PARVA: variants seen among roughly 807,000 people sequenced by gnomAD.
PARVA encodes the protein alpha-parvin.
Under a neutral mutation model 52.6 loss-of-function variants are expected in PARVA, and 25 were observed. The observed-to-expected ratio is 0.48, with a 90% CI of 0.35 to 0.66. The LOEUF is 0.66. Ranked by LOEUF, PARVA falls within the 30% of genes least tolerant of loss-of-function variation. The pLI is 0.01. For missense variants in PARVA, 373 were observed against 450.9 expected, an observed-to-expected ratio of 0.83 and a Z score of 1.56; for synonymous variants, 185 against 179.1, an observed-to-expected ratio of 1.03 and a Z score of -0.26.
intron 12 of PARVA, among the ~76,000 whole-genome samples, chr11:12,522,004 T>G (rs1380604966): frequency 6.6e-6 from 1 of 152,208 alleles, no homozygotes; most frequent in African/African-American, 2.4e-5. Context: ...ATTTCTAGAA[T>G]TCAGAGATAA....
chr11:12,469,623 C>A (rs1375441790), intron 1 of PARVA, among the ~76,000 whole-genome samples: 1 of 152,146 alleles, frequency 6.6e-6, no homozygotes, highest in African/African-American at 2.4e-5. Flanking sequence ...CCCCATGGGG[C>A]AAGGGCCAGG....
At position 12,420,758 on chromosome 11, in the gene PARVA, G is replaced by A. The variant is rs553219334; in HGVS notation, c.136+42975G>A. ...CACTTAATCTTCTTACCAATCTTGT[G>A]GGGCAAGAACCGTCATTATTCTCAA... is the stretch of plus-strand genomic sequence containing the variant. On this transcript the variant is annotated intron_variant, in intron 1 of 12. Coordinates refer to ENST00000334956, the MANE Select transcript of PARVA (RefSeq NM_018222.5). 2.6e-5 allele frequency among the ~76,000 whole-genome samples: 4 copies of A among 152,202 alleles called. No homozygotes were observed. The South Asian group carries it at 8.3e-4, about 32-fold the overall frequency.
At chr11:12,410,588 C>G (rs1275673809) in intron 1 of PARVA, among the ~76,000 whole-genome samples, 2 of 152,180 alleles carry the variant, frequency 1.3e-5, no homozygotes, top group African/African-American at 4.8e-5. Context: ...GTTGCTTCTC[C>G]TCCTCCTTTT....
At chr11:12,411,266 T>A (rs1302187423) in intron 1 of PARVA, among the ~76,000 whole-genome samples, 5 of 152,208 alleles carry the variant, frequency 3.3e-5, no homozygotes, top group African/African-American at 1.2e-4. Context: ...CACAATTACC[T>A]TTGCACCAAC....
chr11:12,377,485 G>T (rs1939409377), upstream of PARVA: 1 of 1,418,238 alleles, frequency 7.1e-7, no homozygotes, highest in African/African-American at 1.5e-5. Flanking sequence ...AGGGAGCGAG[G>T]GAGGGAGCGA....
intron 1 of PARVA, among the ~76,000 whole-genome samples, chr11:12,450,600 T>C (rs77211823): frequency 0.088 from 13,468 of 152,260 alleles, 656 homozygotes; most frequent in Middle Eastern, 0.13. Flanking sequence ...TAAGGAGAAT[T>C]GACTCACACT....
At chr11:12,479,456 A>T (rs972487411) in intron 4 of PARVA, 1 of 152,102 alleles carries the variant, frequency 6.6e-6, no homozygotes, top group African/African-American at 2.4e-5. Flanking sequence ...GGCATGTACC[A>T]TCATGCCCAG....
In PARVA at chr11:12,529,563, A is replaced by T. The variant is rs576761827; in HGVS notation, c.*1638A>T. 31 of 152,316 alleles carry T rather than the reference A, an allele frequency of 2.0e-4. No individual in the cohort carries two copies. The highest frequency in any genetic ancestry group is 7.2e-4 in the African/African-American group (30 of 41,566). The allele number at this position is 152,316 out of a possible 1,614,324, so 9.4% of individuals were successfully genotyped here. On this transcript the variant is annotated 3_prime_UTR_variant, in exon 13 of 13. Transcript: ENST00000334956. ...TCCAGAAGTCTGTGACTACCTTGTCACTACTTTAGGCCCATTCCACAAAGC... is the reference window on the plus strand; with the variant it reads ...TCCAGAAGTCTGTGACTACCTTGTCTCTACTTTAGGCCCATTCCACAAAGC...
intron 1 of PARVA, among the ~76,000 whole-genome samples, chr11:12,389,591 T>A (rs1297331994): frequency 2.6e-5 from 4 of 152,196 alleles, no homozygotes; most frequent in Non-Finnish European, 4.4e-5. Context: ...GACATGGTGA[T>A]TTCAAGCTGG....
intron 1 of PARVA, among the ~76,000 whole-genome samples, chr11:12,401,337 G>A (rs1186482161): frequency 6.6e-6 from 1 of 152,164 alleles, no homozygotes; most frequent in Non-Finnish European, 1.5e-5. Context: ...AAAAAGCAAG[G>A]TTAAAGGGGC....
chr11:12,463,218 A>C (rs2135025840), intron 1 of PARVA, among the ~76,000 whole-genome samples: 1 of 152,276 alleles, frequency 6.6e-6, no homozygotes, highest in South Asian at 2.1e-4. Flanking sequence ...GTGATATATT[A>C]CTTTTGTTAT....
In PARVA at chr11:12,477,886, A is replaced by G. The variant is rs1941036576; in HGVS notation, c.337A>G (p.Arg113Gly). 6.2e-7 allele frequency: 1 copy of G among 1,609,808 alleles called. No homozygotes were observed. The highest frequency in any genetic ancestry group is 1.7e-4 in the Middle Eastern group (1 of 6,058). Residue 113 changes from arginine (R) to glycine (G), a missense_variant, in exon 4 of 13, where the codon AGA becomes GGA. By Grantham distance (125) the Arg-to-Gly change is moderately radical (BLOSUM62 -2). Coordinates refer to ENST00000334956, the MANE Select transcript of PARVA (RefSeq NM_018222.5). ...DWINDVLVGE[R>G]IIVKDLAEDL... ...GATTAATGATGTGTTGGTTGGAGAA[A>G]GAATCATTGTGAAAGACCTAGCTGA...
chr11:12,483,402 A>G (rs1040961028), intron 4 of PARVA, among the ~76,000 whole-genome samples: 3 of 152,202 alleles, frequency 2.0e-5, no homozygotes, highest in Non-Finnish European at 4.4e-5. Flanking sequence ...GCCAAACACG[A>G]GTATGTTAAT....
intron 1 of PARVA, among the ~76,000 whole-genome samples, chr11:12,465,556 A>G (rs939548505): frequency 6.6e-6 from 1 of 152,140 alleles, no homozygotes; most frequent in African/African-American, 2.4e-5. Flanking sequence ...ATTTTCCCCC[A>G]TTTATCTTTT....
chr11:12,468,223 A>C (rs1258373515), intron 1 of PARVA, among the ~76,000 whole-genome samples: 1 of 152,038 alleles, frequency 6.6e-6, no homozygotes, highest in Non-Finnish European at 1.5e-5. Context: ...TACCTTTCCC[A>C]CCACCTTGAG....
At chr11:12,478,012 G>A in intron 4 of PARVA, 63 bp downstream of exon 4, 2 of 870,190 alleles carry the variant, frequency 2.3e-6, no homozygotes, top group South Asian at 1.3e-5. Flanking sequence ...TCACCTACTT[G>A]TAGCTAGAAG....
rs548916074 is a variant in PARVA at position 12,526,068 on chromosome 11, C to T, written c.1043-1781C>T. 1.5e-3 allele frequency among the ~76,000 whole-genome samples: 225 copies of T among 152,106 alleles called. 1 individual carries two copies. The highest frequency in any genetic ancestry group is 4.5e-3 in the African/African-American group (186 of 41,494). ...CGGACTTTAGAGACTGAGAATGGCA[C>T]AGGCAGGAGCGGGCACAGGGATAAA... On this transcript the variant is annotated intron_variant, in intron 12 of 12. Transcript: ENST00000334956.
chr11:12,530,350 TCAAGAA>T lies in PARVA; in HGVS notation c.*2426_*2431del, dbSNP rs1257621076. On this transcript the variant is annotated 3_prime_UTR_variant, in exon 13 of 13. Coordinates refer to ENST00000334956, the MANE Select transcript of PARVA (RefSeq NM_018222.5). ...ATGACTTTGAAAGGCAAAAGAGGAA[TCAAGAA>T]TAAATAAAACAAACTTAATCTTCAT... 3.3e-5 allele frequency: 5 copies of T among 151,988 alleles called. No individual in the cohort carries two copies. Among genetic ancestry groups the T allele is most frequent in the Non-Finnish European group, 7.4e-5 (5 of 67,994 alleles). 9.4% of individuals were successfully genotyped at this position (151,988 alleles called of 1,614,324 possible).
At chr11:12,395,592 C>G (rs945084645) in intron 1 of PARVA, among the ~76,000 whole-genome samples, 1 of 152,234 alleles carries the variant, frequency 6.6e-6, no homozygotes, top group African/African-American at 2.4e-5. Context: ...TGACACATAT[C>G]TTGCTTGAAA....
Sources: allele counts gnomAD v4.1 joint callset (sites outside exome capture counted in the v4.1 genomes callset), GRCh38; gene constraint gnomAD v4.1.1; transcripts MANE v1.5; gene names NCBI Gene and HGNC (gene_info 2026-07-23, HGNC 2026-07-21).